The following PLEKHG4B variants were observed in gnomAD, a reference collection of about 807,000 sequenced individuals.
PLEKHG4B encodes the protein pleckstrin homology and RhoGEF domain containing G4B.
Under a neutral mutation model 121.3 loss-of-function variants are expected in PLEKHG4B, and 111 were observed. That is an observed-to-expected ratio of 0.92 (90% confidence interval 0.78 to 1.07). PLEKHG4B has a LOEUF of 1.07. Ranked by LOEUF, PLEKHG4B falls within the 50% of genes least tolerant of loss-of-function variation. The probability of loss-of-function intolerance (pLI) is 0.00; values close to 1 mark genes in which losing one functional copy is unlikely to be tolerated. For synonymous variants in PLEKHG4B, 738 were observed against 725.0 expected, an observed-to-expected ratio of 1.02 and a Z score of -0.29; for missense variants, 1,831 against 1,757.8, an observed-to-expected ratio of 1.04 and a Z score of -0.74.
intron 17 of PLEKHG4B, among the ~76,000 whole-genome samples, 165 bp downstream of exon 17, chr5:173,232 A>G (rs1235510356): frequency 6.6e-6 from 1 of 152,130 alleles, no homozygotes; most frequent in Non-Finnish European, 1.5e-5. Flanking sequence ...AATTCTTGAA[A>G]ACGTTAGCCT....
Position 137,796 on chromosome 5 carries a change from G to A in PLEKHG4B, c.244-1687G>A, listed in dbSNP as rs978930783. ...TATGGCTGTGCTGGGCAATAGGATC[G>A]GGGACGGACTCTGGGGGCCAGGCTC... On this transcript the variant is annotated intron_variant, in intron 2 of 19. Transcript: ENST00000637938. The surrounding 1 kb of genome is among the most constrained non-coding windows in gnomAD (Gnocchi z 4.2). Among the ~76,000 whole-genome samples, 7 of 152,198 alleles carry A rather than the reference G, an allele frequency of 4.6e-5. No homozygotes were observed. The highest frequency in any genetic ancestry group is 1.4e-4 in the African/African-American group (6 of 41,450).
chr5:113,103 A>C lies in PLEKHG4B; in HGVS notation c.46-148A>C. The C allele has an allele frequency of 2.5e-6, 1 of 397,184 alleles. No homozygotes were observed. Among genetic ancestry groups the C allele is most frequent in the Non-Finnish European group, 4.4e-6 (1 of 225,444 alleles). The allele number at this position is 397,184 out of a possible 1,614,324, so 24.6% of individuals were successfully genotyped here. The stretch of plus-strand genomic sequence containing the variant: ...CGCCCTGCACCATGGATTCGCCTGC[A>C]CATTTTGTCTTTCTCAGTTAACTCA... On this transcript the variant is annotated intron_variant, in intron 1 of 19. Coordinates refer to ENST00000637938, the MANE Select transcript of PLEKHG4B (RefSeq NM_052909.5). The surrounding 1 kb of genome is among the most constrained non-coding windows in gnomAD (Gnocchi z 5.2).
chr5:118,156 T>A (rs765128826), intron 2 of PLEKHG4B, among the ~76,000 whole-genome samples: 8 of 152,040 alleles, frequency 5.3e-5, no homozygotes, highest in Non-Finnish European at 8.8e-5. Flanking sequence ...CTAAAGAAGA[T>A]CATTCAATAA....
chr5:93,754 C>T (rs574036008), intron 1 of PLEKHG4B, among the ~76,000 whole-genome samples: 2 of 152,184 alleles, frequency 1.3e-5, no homozygotes, highest in African/African-American at 4.8e-5. Flanking sequence ...GGCTAGCTCT[C>T]AAGCTGGCCG....
At position 140,736 on chromosome 5, in the gene PLEKHG4B, T is replaced by G. The variant is rs750834841; in HGVS notation, c.1477+20T>G. 1 of 1,508,020 alleles carries G rather than the reference T, an allele frequency of 6.6e-7. No homozygotes were observed. Among genetic ancestry groups the G allele is most frequent in the Non-Finnish European group, 8.8e-7 (1 of 1,132,366 alleles). 93.4% of individuals were successfully genotyped at this position (1,508,020 alleles called of 1,614,324 possible). On this transcript the variant is annotated intron_variant, in intron 3 of 19. Coordinates refer to ENST00000637938, the MANE Select transcript of PLEKHG4B (RefSeq NM_052909.5). ...AGGAAGGTAAATGCTCCCCACGCCC[T>G]CCCCTGCGCACCCCCACAACCTCCC...
intron 9 of PLEKHG4B, 67 bp downstream of exon 9, chr5:155,510 C>A: frequency 8.1e-7 from 1 of 1,238,902 alleles, no homozygotes; most frequent in Non-Finnish European, 1.2e-6. Context: ...AAAGGTTAGC[C>A]AAACTTGAAA....
At chr5:135,034 A>G (rs1734909812) in intron 2 of PLEKHG4B, among the ~76,000 whole-genome samples, 1 of 151,622 alleles carries the variant, frequency 6.6e-6, no homozygotes, top group Non-Finnish European at 1.5e-5. Context: ...CTAAAAATAC[A>G]AAAACTTAGC....
rs1735016194 is a variant in PLEKHG4B at position 137,452 on chromosome 5, GTC to G, written c.244-2027_244-2026del. Reference sequence around the variant, plus strand: ...ACACACACACACCCTCCTCCCCACAGTCTCTGACTTCCCTCCTGCTCTGGGCT... The same window carrying G: ...ACACACACACACCCTCCTCCCCACAGTCTGACTTCCCTCCTGCTCTGGGCT... On this transcript the variant is annotated intron_variant, in intron 2 of 19. Transcript: ENST00000637938. This position sits in a 1 kb window ranked among gnomAD's most constrained non-coding sequence, Gnocchi z 4.2. Among the ~76,000 whole-genome samples, 1 of 152,168 alleles carries G rather than the reference GTC, an allele frequency of 6.6e-6. No homozygotes were observed. The highest frequency in any genetic ancestry group is 2.4e-5 in the African/African-American group (1 of 41,430).
At position 183,514 on chromosome 5, in the gene PLEKHG4B, C is replaced by T. The variant is rs191348613; in HGVS notation, c.*1191C>T. ...CAGCACTTTGGGAGGCCGAGGCAGG[C>T]GGATCACGAGGTCAGGAGATCAAGA... On this transcript the variant is annotated 3_prime_UTR_variant, in exon 20 of 20. Coordinates refer to ENST00000637938, the MANE Select transcript of PLEKHG4B (RefSeq NM_052909.5). The T allele has an allele frequency of 0.015, 2,225 of 152,224 alleles. 30 individuals carry two copies. The highest frequency in any genetic ancestry group is 0.033 in the African/African-American group (1,360 of 41,518). The allele number at this position is 152,224 out of a possible 1,614,324, so 9.4% of individuals were successfully genotyped here. A position where few individuals can be genotyped will look rare whatever the true frequency, so the allele number is the denominator to read the frequency against.
At chr5:116,241 G>A (rs113121253) in intron 2 of PLEKHG4B, among the ~76,000 whole-genome samples, 5 of 152,184 alleles carry the variant, frequency 3.3e-5, no homozygotes, top group South Asian at 2.1e-4. Flanking sequence ...CAGTGGAGCA[G>A]ACTTCGGAAC....
At chr5:142,092 C>T (rs1021578933) in intron 3 of PLEKHG4B, among the ~76,000 whole-genome samples, 1 of 152,164 alleles carries the variant, frequency 6.6e-6, no homozygotes, top group Non-Finnish European at 1.5e-5. Flanking sequence ...ACACACGGGA[C>T]CTACCGCAGA....
intron 1 of PLEKHG4B, among the ~76,000 whole-genome samples, chr5:94,509 T>C (rs1360899721): frequency 7.0e-6 from 1 of 143,622 alleles, no homozygotes; most frequent in African/African-American, 2.8e-5. Flanking sequence ...AGGTGGCAGG[T>C]TCCATCCTGA....
chr5:98,709 A>G (rs1244270514), intron 1 of PLEKHG4B, among the ~76,000 whole-genome samples: 3 of 144,638 alleles, frequency 2.1e-5, no homozygotes, highest in African/African-American at 7.7e-5. Context: ...CCTGACCCTC[A>G]TGATCCACCC....
rs961661664 is a variant in PLEKHG4B, at chr5:139,703, A to G, written c.464A>G (p.Tyr155Cys). 1 of 398,724 alleles carries G rather than the reference A, an allele frequency of 2.5e-6. No homozygotes were observed. The highest frequency in any genetic ancestry group is 2.1e-5 in the African/African-American group (1 of 48,590). The allele number at this position is 398,724 out of a possible 1,614,324, so 24.7% of individuals were successfully genotyped here. A position where few individuals can be genotyped will look rare whatever the true frequency, so the allele number is the denominator to read the frequency against. The change falls in exon 3 of 20, where the codon TAT becomes TGT. Residue 155 changes from tyrosine (Y) to cysteine (C), a missense_variant. Transcript: ENST00000637938. The surrounding 1 kb of genome is among the most constrained non-coding windows in gnomAD (Gnocchi z 5.0). ...TEEVTVPEAM[Y>C]GCVFTGAFLE... ...GAAGTCACCGTCCCTGAGGCCATGT[A>G]TGGCTGTGTCTTCACGGGGGCGTTC...
chr5:129,419 C>G (rs958056425), intron 2 of PLEKHG4B, among the ~76,000 whole-genome samples: 1 of 152,222 alleles, frequency 6.6e-6, no homozygotes, highest in Non-Finnish European at 1.5e-5. Flanking sequence ...TCACCCCTGC[C>G]CTCCAAACTT....
In PLEKHG4B at chr5:143,066, C is replaced by T. The variant is rs1735277561; in HGVS notation, c.1497C>T (p.Ala499=). The part of the protein sequence containing the change: ...TKEEDVLASS[A]CVSTDGGSLH... The stretch of plus-strand genomic sequence containing the variant: ...GTCCAGACGTTCTTGCATCCTCAGC[C>T]TGTGTCAGCACAGACGGCGGCAGCC... The change falls in exon 4 of 20, where the codon GCC becomes GCT. Residue 499 remains alanine, a synonymous_variant. Coordinates refer to ENST00000637938, the MANE Select transcript of PLEKHG4B (RefSeq NM_052909.5). 6.2e-7 allele frequency: 1 copy of T among 1,613,216 alleles called. No homozygotes were observed. Among genetic ancestry groups the T allele is most frequent in the Admixed American group, 1.7e-5 (1 of 60,012 alleles).
chr5:173,822 T>C, intron 17 of PLEKHG4B, 96 bp from the exon 18 acceptor site: 2 of 1,397,570 alleles, frequency 1.4e-6, no homozygotes, highest in Non-Finnish European at 1.9e-6. Context: ...ATTTGGTGTC[T>C]GGGTGAAGTG....
chr5:142,472 CAG>C (rs983877617), intron 3 of PLEKHG4B, among the ~76,000 whole-genome samples: 66 of 151,790 alleles, frequency 4.3e-4, no homozygotes, highest in Admixed American at 1.4e-3. Context: ...TCACATGCTC[CAG>C]AGTTACACAT....
At chr5:171,524 C>T in intron 16 of PLEKHG4B, 80 bp downstream of exon 16, 2 of 1,351,884 alleles carry the variant, frequency 1.5e-6, no homozygotes, top group Non-Finnish European at 2.0e-6. Context: ...GCCCCAGCAG[C>T]ACACTTTTCT....
Sources: gnomAD v4.1 joint callset for allele counts (sites outside exome capture counted in the v4.1 genomes callset) on GRCh38, gnomAD v4.1.1 for gene constraint, Gnocchi (gnomAD v3.1) non-coding constraint, MANE v1.5 for transcripts, NCBI Gene and HGNC (gene_info 2026-07-23, HGNC 2026-07-21) for gene names.